The following GRID2 variants were observed in gnomAD, a reference collection of about 807,000 sequenced individuals.
The protein encoded by GRID2 is glutamate ionotropic receptor delta type subunit 2, also known as glutamate receptor ionotropic, delta-2.
A neutral mutation model predicts 114.8 loss-of-function variants in GRID2; 33 were observed. The ratio of observed to expected loss-of-function variants is 0.29; its 90% CI spans 0.22 to 0.38. The LOEUF (loss-of-function observed/expected upper bound fraction) is 0.38. Among genes scored for constraint, GRID2 ranks in the 10% least tolerant of loss-of-function variants. The pLI is 1.00. For missense variants in GRID2, 1,184 were observed against 1,257.7 expected (o/e 0.94, Z 0.89); for synonymous variants, 505 against 449.9 (o/e 1.12, Z -1.55).
At chr4:93,597,186 A>T (rs1739192469) in intron 13 of GRID2, among the ~76,000 whole-genome samples, 1 of 152,258 alleles carries the variant, frequency 6.6e-6, no homozygotes, top group African/African-American at 2.4e-5. Flanking sequence ...CAATAACAAC[A>T]AACAATAAGC....
At chr4:92,855,772 A>T (rs1368916865) in intron 2 of GRID2, among the ~76,000 whole-genome samples, 1 of 151,984 alleles carries the variant, frequency 6.6e-6, no homozygotes, top group African/African-American at 2.4e-5. Context: ...AATTATTTTT[A>T]TCTGGAGGTG....
chr4:92,789,731 A>G (rs1560593076), intron 2 of GRID2, among the ~76,000 whole-genome samples: 1 of 151,936 alleles, frequency 6.6e-6, no homozygotes, highest in Non-Finnish European at 1.5e-5. Context: ...GGATAAGTAC[A>G]ATATTTGATG....
At chr4:92,919,166 T>A (rs1749083639) in intron 2 of GRID2, among the ~76,000 whole-genome samples, 1 of 152,140 alleles carries the variant, frequency 6.6e-6, no homozygotes, top group African/African-American at 2.4e-5. Flanking sequence ...TCTCTGATGG[T>A]GGTTTGTATT....
intron 14 of GRID2, among the ~76,000 whole-genome samples, chr4:93,703,644 C>G (rs972214287): frequency 9.1e-6 from 1 of 109,854 alleles, no homozygotes; most frequent in Non-Finnish European, 1.8e-5. Context: ...ATCCCTCCCC[C>G]CTCCCCCCAC....
At chr4:93,128,010 G>C (rs1484875404) in intron 4 of GRID2, among the ~76,000 whole-genome samples, 1 of 97,318 alleles carries the variant, frequency 1.0e-5, no homozygotes, top group Non-Finnish European at 1.8e-5. Flanking sequence ...AGCAGAGTAA[G>C]ACCTTGTCCC....
At chr4:92,610,387 T>C (rs766344941) in intron 2 of GRID2, among the ~76,000 whole-genome samples, 49 of 151,786 alleles carry the variant, frequency 3.2e-4, no homozygotes, top group Non-Finnish European at 5.9e-4. Flanking sequence ...GTGTGTGATA[T>C]TGTTCCACTT....
At chr4:92,456,035 A>C (rs1227343452) in intron 1 of GRID2, among the ~76,000 whole-genome samples, 4 of 152,156 alleles carry the variant, frequency 2.6e-5, no homozygotes, top group African/African-American at 9.7e-5. Flanking sequence ...ATATGTCAAA[A>C]ATTTAGAACT....
intron 1 of GRID2, among the ~76,000 whole-genome samples, chr4:92,362,905 G>A (rs562722763): frequency 2.4e-4 from 36 of 151,968 alleles, no homozygotes; most frequent in African/African-American, 3.1e-4. Context: ...ACATTTGGTC[G>A]ATTATCCAAG....
chr4:93,703,750 G>T (rs1007542048), intron 14 of GRID2, among the ~76,000 whole-genome samples: 53 of 149,628 alleles, frequency 3.5e-4, no homozygotes, highest in African/African-American at 1.2e-3. Context: ...GCAGTGTTTG[G>T]TTTTTTGTCC....
At chr4:92,447,899 A>G (rs1733554639) in intron 1 of GRID2, among the ~76,000 whole-genome samples, 1 of 152,142 alleles carries the variant, frequency 6.6e-6, no homozygotes, top group Non-Finnish European at 1.5e-5. Context: ...TCAAAGCAGA[A>G]ATTTGGGGTG....
At chr4:92,316,181 T>C (rs1177999160) in intron 1 of GRID2, among the ~76,000 whole-genome samples, 2 of 152,038 alleles carry the variant, frequency 1.3e-5, no homozygotes, top group Non-Finnish European at 2.9e-5. Context: ...AGATATTCTT[T>C]GCTGCTTCTG....
intron 2 of GRID2, among the ~76,000 whole-genome samples, chr4:92,803,554 C>T (rs1461828294): frequency 6.6e-6 from 1 of 151,880 alleles, no homozygotes; most frequent in Non-Finnish European, 1.5e-5. Flanking sequence ...AATTCAGGTA[C>T]CCCATCAACC....
chr4:92,860,849 A>G (rs1237247999), intron 2 of GRID2, among the ~76,000 whole-genome samples: 2 of 152,052 alleles, frequency 1.3e-5, no homozygotes, highest in Admixed American at 6.6e-5. Flanking sequence ...GCATAAGAAC[A>G]TGTTTCTTAT....
chr4:92,525,002 C>T (rs117583989), intron 1 of GRID2, among the ~76,000 whole-genome samples: 2 of 151,990 alleles, frequency 1.3e-5, no homozygotes, highest in East Asian at 3.9e-4. Context: ...AATAGGAATA[C>T]AGATGAATAA....
chr4:93,231,336 T>C (rs1746110525), intron 7 of GRID2, among the ~76,000 whole-genome samples: 1 of 150,312 alleles, frequency 6.7e-6, no homozygotes, highest in Non-Finnish European at 1.5e-5. Flanking sequence ...CAAATTTCTA[T>C]ATTGTAGAAT....
chr4:93,575,092 C>T (rs576074061), intron 13 of GRID2, among the ~76,000 whole-genome samples: 6 of 152,274 alleles, frequency 3.9e-5, no homozygotes, highest in Admixed American at 3.3e-4. Flanking sequence ...CCAAGAGAAA[C>T]TCAAGTCTTA....
At chr4:92,859,331 G>T (rs1744381083) in intron 2 of GRID2, among the ~76,000 whole-genome samples, 1 of 151,980 alleles carries the variant, frequency 6.6e-6, no homozygotes, top group Admixed American at 6.6e-5. Context: ...TGCTATTGTT[G>T]ATTTGATAGA....
intron 1 of GRID2, among the ~76,000 whole-genome samples, chr4:92,579,264 A>G (rs999823936): frequency 6.6e-6 from 1 of 152,078 alleles, no homozygotes; most frequent in Admixed American, 6.6e-5. Flanking sequence ...TAATTTTTCA[A>G]TATGTGTTTA....
chr4:93,214,534 T>A (rs2149479912), intron 5 of GRID2, among the ~76,000 whole-genome samples: 1 of 152,202 alleles, frequency 6.6e-6, no homozygotes, highest in African/African-American at 2.4e-5. Flanking sequence ...GCAAGTGAAT[T>A]TTTTGAGACA....
Sources: gnomAD v4.1 joint callset for allele counts (sites outside exome capture counted in the v4.1 genomes callset) on GRCh38, gnomAD v4.1.1 for gene constraint, MANE v1.5 for transcripts, NCBI Gene and HGNC (gene_info 2026-07-23, HGNC 2026-07-21) for gene names.